RASGRF2: variants seen among roughly 807,000 people sequenced by gnomAD.
The protein encoded by RASGRF2 is Ras protein specific guanine nucleotide releasing factor 2, also known as ras-specific guanine nucleotide-releasing factor 2.
In RASGRF2, 76 loss-of-function variants were observed where a neutral mutation model predicts 151.0. The observed-to-expected ratio is 0.50, with a 90% CI of 0.42 to 0.61. The LOEUF (loss-of-function observed/expected upper bound fraction) is 0.61, where lower values mean the gene tolerates loss of function less well. Among genes scored for constraint, RASGRF2 ranks in the 20% least tolerant of loss-of-function variants. The pLI is 0.00. For synonymous variants in RASGRF2, 504 were observed against 566.5 expected (o/e 0.89, Z 1.57); for missense variants, 1,148 against 1,564.6 (o/e 0.73, Z 4.49).
At chr5:81,222,398 G>T (rs921928) in intron 26 of RASGRF2, among the ~76,000 whole-genome samples, 4,000 of 152,152 alleles carry the variant, frequency 0.026, 191 homozygotes, top group Admixed American at 0.13. Flanking sequence ...CTGCCACAAG[G>T]CCTTTACCTA....
At chr5:81,082,469 G>A (rs1349916573) in intron 7 of RASGRF2, among the ~76,000 whole-genome samples, 1 of 152,164 alleles carries the variant, frequency 6.6e-6, no homozygotes, top group African/African-American at 2.4e-5. Context: ...TAGGAGACCT[G>A]ATGTCTCACT....
chr5:80,995,745 T>C (rs1052972274), intron 1 of RASGRF2, among the ~76,000 whole-genome samples: 2 of 129,598 alleles, frequency 1.5e-5, no homozygotes, highest in African/African-American at 5.7e-5. Flanking sequence ...CAGGCTGGAG[T>C]GCAGTGGGGT....
intron 12 of RASGRF2, 122 bp downstream of exon 12, chr5:81,095,114 C>T: frequency 3.2e-6 from 2 of 617,646 alleles, no homozygotes; most frequent in Non-Finnish European, 4.8e-6. Flanking sequence ...ATGGTCACTG[C>T]CATAATCACT....
At chr5:81,216,757 C>G (rs899618997) in intron 24 of RASGRF2, among the ~76,000 whole-genome samples, 2 of 152,194 alleles carry the variant, frequency 1.3e-5, no homozygotes, top group Non-Finnish European at 2.9e-5. Flanking sequence ...CAGCTCCTCC[C>G]GCATCAAAAG....
In RASGRF2 at chr5:81,042,889, G is replaced by T. The variant is rs765512121; in HGVS notation, c.301G>T (p.Val101Phe). The change falls in exon 2 of 27, where the codon GTT (valine) becomes TTT (phenylalanine). Residue 101 changes from valine to phenylalanine, a missense_variant. Physicochemically the swap from Val to Phe is conservative, Grantham distance 50. Transcript: ENST00000265080. The part of the protein sequence containing the change: ...DALDKQYYFT[V>F]LFGHEGQKPL... ...TTTTTCTTTCCAGTATTACTTTACT[G>T]TTCTTTTTGGCCATGAAGGTCAGAA... 4 of 1,610,094 alleles carry T rather than the reference G, an allele frequency of 2.5e-6. No homozygotes were observed. In the South Asian group the frequency reaches 4.4e-5, roughly 18 times the overall value.
At chr5:80,990,216 ATGTT>A (rs1280739282) in intron 1 of RASGRF2, among the ~76,000 whole-genome samples, 43 of 129,670 alleles carry the variant, frequency 3.3e-4, no homozygotes, top group Middle Eastern at 8.7e-3. Context: ...TGACTGCCAG[ATGTT>A]TTTTTTTTTT....
intron 26 of RASGRF2, among the ~76,000 whole-genome samples, chr5:81,220,321 C>T (rs1437894629): frequency 6.6e-6 from 1 of 152,136 alleles, no homozygotes; most frequent in Non-Finnish European, 1.5e-5. Flanking sequence ...TGGTCTTTTA[C>T]CCCATTTTTT....
chr5:81,157,449 G>A (rs1357667448), intron 17 of RASGRF2, among the ~76,000 whole-genome samples: 1 of 151,900 alleles, frequency 6.6e-6, no homozygotes, highest in East Asian at 1.9e-4. Context: ...AGAGACATTA[G>A]TGGAGAGATA....
At chr5:80,983,267 C>G (rs940046740) in intron 1 of RASGRF2, among the ~76,000 whole-genome samples, 1 of 152,234 alleles carries the variant, frequency 6.6e-6, no homozygotes, top group Admixed American at 6.5e-5. Context: ...GTTGGGATCT[C>G]TGCTGTGGCA....
intron 18 of RASGRF2, among the ~76,000 whole-genome samples, chr5:81,200,692 C>A (rs1331217340): frequency 6.6e-6 from 1 of 152,138 alleles, no homozygotes; most frequent in Non-Finnish European, 1.5e-5. Context: ...TTAAATTGGC[C>A]CTTTCAATGG....
At chr5:81,185,786 C>T (rs957359261) in intron 18 of RASGRF2, among the ~76,000 whole-genome samples, 3 of 152,146 alleles carry the variant, frequency 2.0e-5, no homozygotes, top group Admixed American at 6.5e-5. Flanking sequence ...TGGAAGCAGC[C>T]CACGCCAGGG....
chr5:81,204,883 T>C (rs1218422381), intron 19 of RASGRF2, among the ~76,000 whole-genome samples: 1 of 152,206 alleles, frequency 6.6e-6, no homozygotes, highest in Admixed American at 6.5e-5. Context: ...TGATGGGAGC[T>C]AACTAACTTT....
chr5:81,000,657 G>C (rs769486381), intron 1 of RASGRF2, among the ~76,000 whole-genome samples: 5 of 151,998 alleles, frequency 3.3e-5, no homozygotes, highest in African/African-American at 9.7e-5. Context: ...GAGCATATCC[G>C]ACTTTACCCA....
chr5:80,973,727 A>G (rs1036908925), intron 1 of RASGRF2, among the ~76,000 whole-genome samples: 1 of 152,218 alleles, frequency 6.6e-6, no homozygotes, highest in Non-Finnish European at 1.5e-5. Context: ...CCTGACCATT[A>G]TCCAGGAAGT....
Position 81,228,193 on chromosome 5 carries a change from T to C in RASGRF2, c.*2423T>C, listed in dbSNP as rs149506314. On this transcript the variant is annotated 3_prime_UTR_variant, in exon 27 of 27. Coordinates refer to ENST00000265080, the MANE Select transcript of RASGRF2 (RefSeq NM_006909.3). ...CCTCAGCCTCTCAAGCAGCTGGGACTGCAGGGGTGTGCCACTCACTAGCCT... is the reference window on the plus strand; with the variant it reads ...CCTCAGCCTCTCAAGCAGCTGGGACCGCAGGGGTGTGCCACTCACTAGCCT... 3 of 152,378 alleles carry C rather than the reference T, an allele frequency of 2.0e-5. No homozygotes were observed. The highest frequency in any genetic ancestry group is 2.9e-5 in the Non-Finnish European group (2 of 68,068). The allele number at this position is 152,378 out of a possible 1,614,324, so 9.4% of individuals were successfully genotyped here.
chr5:81,017,616 ACT>A (rs1331561750), intron 1 of RASGRF2, among the ~76,000 whole-genome samples: 3 of 152,214 alleles, frequency 2.0e-5, no homozygotes, highest in African/African-American at 7.2e-5. Context: ...ACTTTAACGT[ACT>A]GTGTAACCAT....
chr5:81,186,764 G>A (rs1470674800), intron 18 of RASGRF2, among the ~76,000 whole-genome samples: 1 of 152,202 alleles, frequency 6.6e-6, no homozygotes, highest in African/African-American at 2.4e-5. Flanking sequence ...CACAGTAGGA[G>A]TTAAATTCAG....
intron 17 of RASGRF2, among the ~76,000 whole-genome samples, chr5:81,172,886 A>G (rs566143137): frequency 6.6e-6 from 1 of 152,130 alleles, no homozygotes; most frequent in Non-Finnish European, 1.5e-5. Flanking sequence ...TAAAACTAGC[A>G]AAGCCTTACC....
At chr5:81,083,995 G>T (rs1752157709) in intron 7 of RASGRF2, among the ~76,000 whole-genome samples, 1 of 152,184 alleles carries the variant, frequency 6.6e-6, no homozygotes, top group Non-Finnish European at 1.5e-5. Flanking sequence ...TGAGCCCTTT[G>T]GAGAGCTGAC....
Sources: gnomAD v4.1 joint callset for allele counts (sites outside exome capture counted in the v4.1 genomes callset) on GRCh38, gnomAD v4.1.1 for gene constraint, MANE v1.5 for transcripts, NCBI Gene and HGNC (gene_info 2026-07-23, HGNC 2026-07-21) for gene names.